The following DNA2 variants were observed in gnomAD, a reference collection of about 807,000 sequenced individuals.
DNA2 encodes the protein DNA replication helicase/nuclease 2.
Under a neutral mutation model 119.1 loss-of-function variants are expected in DNA2, and 101 were observed. That is an observed-to-expected ratio of 0.85 (90% CI 0.72 to 1.00). The LOEUF (loss-of-function observed/expected upper bound fraction) is 1.00. Among genes scored for constraint, DNA2 ranks in the 50% least tolerant of loss-of-function variants. DNA2 has a pLI of 0.00. For missense variants in DNA2, 1,121 were observed against 1,255.5 expected (o/e 0.89, Z 1.62); for synonymous variants, 366 against 424.4 (o/e 0.86, Z 1.69).
At chr10:68,419,455 G>T in intron 18 of DNA2, 1 of 518,680 alleles carries the variant, frequency 1.9e-6, no homozygotes. Context: ...AGGATTATAT[G>T]CTACTAAAAC....
chr10:68,452,204 T>A (rs542858680), intron 5 of DNA2, among the ~76,000 whole-genome samples: 1 of 151,654 alleles, frequency 6.6e-6, no homozygotes, highest in South Asian at 2.1e-4. Flanking sequence ...TGTTTCAGCC[T>A]CCCAAGTAGC....
rs2052226791 is a variant in DNA2 at position 68,459,357 on chromosome 10, A to G, written c.588-122T>C. 6.9e-6 allele frequency: 7 copies of G among 1,012,978 alleles called. No individual in the cohort carries two copies. The East Asian group carries it at 1.9e-4, about 27-fold the overall frequency. The allele number at this position is 1,012,978 out of a possible 1,614,324, so 62.7% of individuals were successfully genotyped here. A position where few individuals can be genotyped will look rare whatever the true frequency, so the allele number is the denominator to read the frequency against. On this transcript the variant is annotated intron_variant, in intron 4 of 20. Transcript: ENST00000358410. ...GAGGACAAAAAAATACATATAAGCA[A>G]CCCAACTGTTCGTCAGCCAATAAAT...
intron 9 of DNA2, among the ~76,000 whole-genome samples, chr10:68,441,335 TAAAAA>T (rs35334686): frequency 1.7e-5 from 2 of 121,112 alleles, no homozygotes; most frequent in Admixed American, 1.8e-4. Context: ...CCCTGTCTCT[TAAAAA>T]AAAAAAAAAA....
chr10:68,433,955 T>C (rs2051854352), intron 10 of DNA2, among the ~76,000 whole-genome samples: 1 of 152,212 alleles, frequency 6.6e-6, no homozygotes, highest in Non-Finnish European at 1.5e-5. Flanking sequence ...ATCCACAGGA[T>C]GAAGATTCAG....
intron 20 of DNA2, among the ~76,000 whole-genome samples, chr10:68,416,422 T>C (rs2051590140): frequency 6.6e-6 from 1 of 152,162 alleles, no homozygotes; most frequent in South Asian, 2.1e-4. Context: ...GCTCTGATCA[T>C]ATCACTGCAC....
chr10:68,472,144 C>G (rs1220994068), upstream of DNA2: 11 of 1,385,882 alleles, frequency 7.9e-6, no homozygotes, highest in Non-Finnish European at 1.0e-5. Flanking sequence ...ACTAAACGCT[C>G]CTGCCTTCTC....
chr10:68,418,546 T>A (rs2051622299), intron 19 of DNA2, among the ~76,000 whole-genome samples: 1 of 151,188 alleles, frequency 6.6e-6, no homozygotes, highest in African/African-American at 2.4e-5. Context: ...ACATGTGCCA[T>A]GGCGGTTTGC....
At chr10:68,468,434 G>T in intron 2 of DNA2, 128 bp from the exon 3 acceptor site, 1 of 644,506 alleles carries the variant, frequency 1.6e-6, no homozygotes, top group Non-Finnish European at 2.3e-6. Flanking sequence ...CTAAATTTCT[G>T]GGTCTTTAAA....
rs186441878 is a variant in DNA2, at chr10:68,455,943, C to T, written c.719+3161G>A. On this transcript the variant is annotated intron_variant, in intron 5 of 20. Coordinates refer to ENST00000358410, the MANE Select transcript of DNA2 (RefSeq NM_001080449.3). Reference sequence around the variant, plus strand: ...GTGAAAATCCCATTAGAGGGCCAGGCATGGTGGCTCACGCCTGTAACCCTA... The same window carrying T: ...GTGAAAATCCCATTAGAGGGCCAGGTATGGTGGCTCACGCCTGTAACCCTA... Among the ~76,000 whole-genome samples the T allele has an allele frequency of 1.5e-3, 233 of 152,212 alleles. 1 individual carries two copies. Among genetic ancestry groups the T allele is most frequent in the African/African-American group, 5.4e-3 (225 of 41,544 alleles).
chr10:68,467,138 G>A (rs1236733928), intron 3 of DNA2, among the ~76,000 whole-genome samples: 1 of 152,072 alleles, frequency 6.6e-6, no homozygotes, highest in African/African-American at 2.4e-5. Flanking sequence ...TTTTGAGACG[G>A]AGTCTCCCTC....
In DNA2 at chr10:68,470,043, G is replaced by A; in HGVS notation, c.195C>T (p.Arg65=). Residue 65 remains arginine (R), a synonymous_variant, in exon 2 of 21, where the codon CGC becomes CGT. Transcript: ENST00000358410. ...VQNKEGNCEK[R]LVITASQSLE... ...GTGACTGTGAAGCAGTGATGACCAG[G>A]CGCTTTTCACAGTTTCCCTCTTTGT... is the stretch of plus-strand genomic sequence containing the variant. The A allele has an allele frequency of 6.2e-7, 1 of 1,613,778 alleles. No homozygotes were observed. The highest frequency in any genetic ancestry group is 8.5e-7 in the Non-Finnish European group (1 of 1,179,864).
chr10:68,425,035 T>C, intron 14 of DNA2: 1 of 475,910 alleles, frequency 2.1e-6, no homozygotes, highest in Non-Finnish European at 4.0e-6. Context: ...AACTGAGATT[T>C]TTAGGCTAGT....
chr10:68,454,374 T>C lies in DNA2; in HGVS notation c.720-4127A>G, dbSNP rs550265113. ...TTTTAACCAAAAAAAAAAAAACACA[T>C]TTGGGTTAAGACTCCACCAAAGGAA... On this transcript the variant is annotated intron_variant, in intron 5 of 20. Transcript: ENST00000358410. 4.7e-5 allele frequency among the ~76,000 whole-genome samples: 7 copies of C among 149,852 alleles called. No homozygotes were observed. In the South Asian group the frequency reaches 1.3e-3, roughly 27 times the overall value.
intron 9 of DNA2, 149 bp from the exon 10 acceptor site, chr10:68,437,390 C>T: frequency 3.0e-6 from 2 of 668,070 alleles, no homozygotes; most frequent in Non-Finnish European, 4.9e-6. Context: ...AATCCCAACA[C>T]TCCAGGAGGC....
chr10:68,443,085 C>T lies in DNA2; in HGVS notation c.1247G>A (p.Ser416Asn), dbSNP rs1590062115. ...SRAVEQQMDC[S>N]SVPIVMLPKI... ...GGGCAGCATCACAATTGGGACTGAA[C>T]TACAATCCATCTGTTGTTCAACTGC... The change falls in exon 9 of 21, where the codon AGT (serine) becomes AAT (asparagine). Residue 416 changes from serine (S) to asparagine (N), a missense_variant. Transcript: ENST00000358410. 1.9e-6 allele frequency: 3 copies of T among 1,576,396 alleles called. No individual in the cohort carries two copies. The highest frequency in any genetic ancestry group is 2.6e-6 in the Non-Finnish European group (3 of 1,159,784).
intron 3 of DNA2, among the ~76,000 whole-genome samples, chr10:68,467,488 T>C (rs1291941023): frequency 6.6e-6 from 1 of 152,086 alleles, no homozygotes; most frequent in African/African-American, 2.4e-5. Flanking sequence ...AAAAGCTGGG[T>C]GTTGAGTACA....
Position 68,450,210 on chromosome 10 carries a change from T to C in DNA2, c.757A>G (p.Ile253Val), listed in dbSNP as rs1250941695. Residue 253 changes from isoleucine to valine, a missense_variant, in exon 6 of 21, where the codon ATT becomes GTT. Coordinates refer to ENST00000358410, the MANE Select transcript of DNA2 (RefSeq NM_001080449.3). Reference sequence around the variant, plus strand: ...ATATCCATTGGTTTCACGACTTCAATGTTACATGTTGAATTATCCTTACTA... The same window carrying C: ...ATATCCATTGGTTTCACGACTTCAACGTTACATGTTGAATTATCCTTACTA... ...DNSKDNSTCN[I>V]EVVKPMDIEE... is the part of the protein sequence containing the mutation. The C allele has an allele frequency of 2.5e-6, 4 of 1,591,430 alleles. No homozygotes were observed. Among genetic ancestry groups the C allele is most frequent in the East Asian group, 4.5e-5 (2 of 44,410 alleles).
rs778084677 is a variant in DNA2 at position 68,471,790 on chromosome 10, C to T, written c.74+1G>A. On this transcript the variant is annotated splice_donor_variant, in intron 1 of 20. Transcript: ENST00000358410. LOFTEE classifies it high-confidence loss of function. ...CCACACCCTCCCCCCTCTCCGCTCA[C>T]AGCTCCGCCGGCAGCTCCGCCTCCT... The T allele has an allele frequency of 1.3e-6, 2 of 1,597,480 alleles. No homozygotes were observed. The highest frequency in any genetic ancestry group is 3.5e-5 in the Admixed American group (2 of 57,064).
In DNA2 at chr10:68,467,010, C is replaced by CA. The variant is rs1564898899; in HGVS notation, c.441+1112dup. Among the ~76,000 whole-genome samples, 5 of 152,146 alleles carry CA rather than the reference C, an allele frequency of 3.3e-5. No homozygotes were observed. In the South Asian group the frequency reaches 1.0e-3, roughly 32 times the overall value. On this transcript the variant is annotated intron_variant, in intron 3 of 20. Transcript: ENST00000358410. ...ACACACTGCACTCCAGCCTGGGTGACACAGTGAGACTCAAAATAAAATAAA... is the reference window on the plus strand; with the variant it reads ...ACACACTGCACTCCAGCCTGGGTGACAACAGTGAGACTCAAAATAAAATAAA...
Sources: gnomAD v4.1 joint callset for allele counts (sites outside exome capture counted in the v4.1 genomes callset) on GRCh38, gnomAD v4.1.1 for gene constraint, MANE v1.5 for transcripts, NCBI Gene and HGNC (gene_info 2026-07-23, HGNC 2026-07-21) for gene names.